The following BMERB1 variants were observed in gnomAD, a reference collection of about 807,000 sequenced individuals.
BMERB1 encodes the protein bMERB domain-containing protein 1.
BMERB1 carries 12 observed loss-of-function variants against 23.6 expected under a neutral mutation model. The observed-to-expected ratio is 0.51, with a 90% confidence interval of 0.33 to 0.82. The LOEUF (loss-of-function observed/expected upper bound fraction) is 0.82. BMERB1 is among the 40% of genes least tolerant of loss of function. The pLI is 0.03. For synonymous variants in BMERB1, 122 were observed against 96.6 expected (o/e 1.26, Z -1.54); for missense variants, 247 against 255.4 (o/e 0.97, Z 0.22).
chr16:15,510,369 C>A (rs1483950412), intron 1 of BMERB1, among the ~76,000 whole-genome samples: 1 of 152,088 alleles, frequency 6.6e-6, no homozygotes, highest in Non-Finnish European at 1.5e-5. Flanking sequence ...CAGCGCTGAG[C>A]CTTTGTTTCT....
At chr16:15,529,308 G>A (rs2051944939) in intron 2 of BMERB1, among the ~76,000 whole-genome samples, 1 of 152,138 alleles carries the variant, frequency 6.6e-6, no homozygotes, top group African/African-American at 2.4e-5. Flanking sequence ...TTACAGGCGT[G>A]AGCCACCGCG....
intron 2 of BMERB1, among the ~76,000 whole-genome samples, chr16:15,551,440 A>G (rs552334274): frequency 6.6e-6 from 1 of 152,330 alleles, no homozygotes; most frequent in South Asian, 2.1e-4. Flanking sequence ...TGTCAATGGG[A>G]TAACAAGGGG....
At chr16:15,583,326 C>T in intron 5 of BMERB1, 88 bp downstream of exon 5, 1 of 1,121,108 alleles carries the variant, frequency 8.9e-7, no homozygotes, top group Non-Finnish European at 1.3e-6. Flanking sequence ...GCCTGTAATC[C>T]CAGCACTATG....
chr16:15,562,325 A>C (rs929692623), intron 2 of BMERB1, among the ~76,000 whole-genome samples: 3 of 150,814 alleles, frequency 2.0e-5, no homozygotes. Flanking sequence ...AAAAAACATA[A>C]ATAAATAATT....
intron 1 of BMERB1, among the ~76,000 whole-genome samples, chr16:15,450,496 A>C (rs1198103032): frequency 6.6e-6 from 1 of 151,892 alleles, no homozygotes; most frequent in South Asian, 2.1e-4. Context: ...TTTGAAACAG[A>C]GTCTTGCTCT....
chr16:15,484,714 T>C (rs903162791), intron 1 of BMERB1, among the ~76,000 whole-genome samples: 2 of 152,180 alleles, frequency 1.3e-5, no homozygotes, highest in Non-Finnish European at 2.9e-5. Context: ...TTTCCCCTTT[T>C]TTAAAAAAAG....
intron 3 of BMERB1, 105 bp downstream of exon 3, chr16:15,568,161 G>A: frequency 5.5e-6 from 5 of 905,210 alleles, no homozygotes; most frequent in East Asian, 2.6e-5. Flanking sequence ...TTCTTGCAAT[G>A]CAGTGCTCCC....
At chr16:15,470,659 G>A (rs2051221185) in intron 1 of BMERB1, among the ~76,000 whole-genome samples, 1 of 151,592 alleles carries the variant, frequency 6.6e-6, no homozygotes, top group Admixed American at 6.6e-5. Flanking sequence ...CCAGGTAGCT[G>A]GGATTACAGG....
At chr16:15,534,716 A>C (rs1408978877) in intron 2 of BMERB1, among the ~76,000 whole-genome samples, 1 of 152,124 alleles carries the variant, frequency 6.6e-6, no homozygotes, top group Non-Finnish European at 1.5e-5. Context: ...CCTTTTCCAC[A>C]CACGGGGTCC....
intron 2 of BMERB1, among the ~76,000 whole-genome samples, chr16:15,565,042 T>A (rs146486930): frequency 1.1e-3 from 165 of 151,816 alleles, no homozygotes; most frequent in African/African-American, 3.9e-3. Context: ...TAGTTTTATA[T>A]TCCTTTATGC....
At chr16:15,558,313 T>G (rs1486886805) in intron 2 of BMERB1, among the ~76,000 whole-genome samples, 1 of 152,046 alleles carries the variant, frequency 6.6e-6, no homozygotes, top group Non-Finnish European at 1.5e-5. Flanking sequence ...AAGATGGAAT[T>G]TAGGGATCTT....
At chr16:15,462,137 C>CTTTT (rs71152431) in intron 1 of BMERB1, among the ~76,000 whole-genome samples, 4 of 56,962 alleles carry the variant, frequency 7.0e-5, no homozygotes, top group Admixed American at 2.8e-4. Flanking sequence ...GATGTCCTGC[C>CTTTT]TTTTTTTTTT....
At chr16:15,490,958 A>C (rs1454600780) in intron 1 of BMERB1, among the ~76,000 whole-genome samples, 1 of 151,918 alleles carries the variant, frequency 6.6e-6, no homozygotes, top group African/African-American at 2.4e-5. Context: ...CAATCCTCCC[A>C]CCTCAGCCTC....
chr16:15,468,965 C>CTTTTTT (rs773392188), intron 1 of BMERB1, among the ~76,000 whole-genome samples: 2 of 126,430 alleles, frequency 1.6e-5, no homozygotes, highest in Non-Finnish European at 3.3e-5. Context: ...CATCTTCACA[C>CTTTTTT]TTTTTTTTTT....
chr16:15,503,234 G>A (rs2051548473), intron 1 of BMERB1, among the ~76,000 whole-genome samples: 1 of 152,124 alleles, frequency 6.6e-6, no homozygotes, highest in South Asian at 2.1e-4. Context: ...GATGTGTGGG[G>A]CTTCTATGCA....
intron 2 of BMERB1, among the ~76,000 whole-genome samples, chr16:15,519,689 TGA>T (rs1044837542): frequency 1.3e-5 from 2 of 152,086 alleles, no homozygotes; most frequent in African/African-American, 4.8e-5. Flanking sequence ...CAGCCTGCAT[TGA>T]CTCTTTTAAG....
chr16:15,474,439 A>G (rs1320559672), intron 1 of BMERB1, among the ~76,000 whole-genome samples: 1 of 152,096 alleles, frequency 6.6e-6, no homozygotes, highest in Non-Finnish European at 1.5e-5. Flanking sequence ...ATCATAGCCC[A>G]CTGCAGCCTC....
At chr16:15,550,783 T>C (rs925093029) in intron 2 of BMERB1, among the ~76,000 whole-genome samples, 1 of 152,204 alleles carries the variant, frequency 6.6e-6, no homozygotes, top group Admixed American at 6.5e-5. Flanking sequence ...AGTTAGACTG[T>C]CTTCTTTCAA....
intron 2 of BMERB1, among the ~76,000 whole-genome samples, chr16:15,551,275 T>C (rs1167669294): frequency 6.6e-6 from 1 of 152,154 alleles, no homozygotes; most frequent in Non-Finnish European, 1.5e-5. Flanking sequence ...CCTCCATGCC[T>C]GCCAGCCTTC....
Sources: gnomAD v4.1 joint callset for allele counts (sites outside exome capture counted in the v4.1 genomes callset) on GRCh38, gnomAD v4.1.1 for gene constraint, MANE v1.5 for transcripts, NCBI Gene and HGNC (gene_info 2026-07-23, HGNC 2026-07-21) for gene names.